Variants in ANO3 observed in about 807,000 individuals in gnomAD.
ANO3 encodes the protein anoctamin-3.
ANO3 carries 99 observed loss-of-function variants against 144.8 expected under a neutral mutation model. The ratio of observed to expected loss-of-function variants is 0.68; its 90% CI spans 0.58 to 0.81. ANO3 has a LOEUF of 0.81. Among genes scored for constraint, ANO3 ranks in the 30% least tolerant of loss-of-function variants. The pLI is 0.00. For synonymous variants in ANO3, 414 were observed against 392.6 expected (o/e 1.05, Z -0.64); for missense variants, 905 against 1,202.2 (o/e 0.75, Z 3.66).
intron 1 of ANO3, among the ~76,000 whole-genome samples, chr11:26,228,362 C>A (rs1459015291): frequency 6.6e-6 from 1 of 152,192 alleles, no homozygotes; most frequent in Non-Finnish European, 1.5e-5. Flanking sequence ...GTGCCAGGGT[C>A]CTGTCTGTGC....
chr11:26,474,860 T>C (rs1859902989), intron 4 of ANO3, among the ~76,000 whole-genome samples: 2 of 151,826 alleles, frequency 1.3e-5, no homozygotes, highest in African/African-American at 2.4e-5. Context: ...TATATAATAT[T>C]AGAAATATAA....
intron 1 of ANO3, among the ~76,000 whole-genome samples, chr11:26,203,025 T>A (rs1180884266): frequency 1.3e-5 from 2 of 152,072 alleles, no homozygotes; most frequent in Non-Finnish European, 2.9e-5. Flanking sequence ...ATTGAGCCAA[T>A]TTGTAATAGG....
rs141737619 is a variant in ANO3, at chr11:26,384,421, C to T, written c.46+52100C>T. On this transcript the variant is annotated intron_variant, in intron 1 of 26. Coordinates refer to ENST00000256737, the MANE Select transcript of ANO3 (RefSeq NM_031418.4). ...TCTGCAAGAATCATACCTATTAGCT[C>T]CGAGATGAGCTCAAAAATTGTAGGT... 7.2e-3 allele frequency among the ~76,000 whole-genome samples: 1,092 copies of T among 152,124 alleles called. 4 individuals carry two copies. The highest frequency in any genetic ancestry group is 0.014 in the Middle Eastern group (4 of 292).
chr11:26,553,853 A>C (rs1318370384), intron 13 of ANO3, among the ~76,000 whole-genome samples: 1 of 152,098 alleles, frequency 6.6e-6, no homozygotes, highest in African/African-American at 2.4e-5. Context: ...GTGTATTTCA[A>C]ATTTTCCTGG....
intron 1 of ANO3, among the ~76,000 whole-genome samples, chr11:26,321,270 T>C (rs572012202): frequency 2.6e-5 from 4 of 152,170 alleles, no homozygotes; most frequent in Middle Eastern, 3.4e-3. Context: ...CCTCATCCCC[T>C]TGATAGACTT....
chr11:26,390,082 G>T (rs1856836058), intron 1 of ANO3, among the ~76,000 whole-genome samples: 1 of 152,000 alleles, frequency 6.6e-6, no homozygotes. Context: ...GACTTAACAT[G>T]GTTCTCTCTT....
At chr11:26,563,588 T>G (rs1034819155) in intron 14 of ANO3, among the ~76,000 whole-genome samples, 3 of 151,938 alleles carry the variant, frequency 2.0e-5, no homozygotes, top group Non-Finnish European at 4.4e-5. Context: ...AAATGCCATG[T>G]GCATACTCCA....
At chr11:26,543,609 TCCCGCCA>T (rs1849701374) in intron 11 of ANO3, among the ~76,000 whole-genome samples, 1 of 151,962 alleles carries the variant, frequency 6.6e-6, no homozygotes, top group South Asian at 2.1e-4. Context: ...CCCTCCTCCC[TCCCGCCA>T]CACCACGACA....
intron 4 of ANO3, among the ~76,000 whole-genome samples, chr11:26,507,684 T>C (rs1402687676): frequency 6.6e-6 from 1 of 152,180 alleles, no homozygotes; most frequent in Non-Finnish European, 1.5e-5. Context: ...GAGTAGTATA[T>C]AGGATAAAAT....
chr11:26,516,129 C>A (rs1389036765), intron 5 of ANO3, among the ~76,000 whole-genome samples: 1 of 151,664 alleles, frequency 6.6e-6, no homozygotes, highest in Non-Finnish European at 1.5e-5. Flanking sequence ...TGCAAATAAT[C>A]CTGCAATTTC....
chr11:26,313,921 AAGAGAT>A, intron 1 of ANO3, among the ~76,000 whole-genome samples: 1 of 151,144 alleles, frequency 6.6e-6, no homozygotes, highest in Admixed American at 6.6e-5. Context: ...CTAAAAAAGA[AAGAGAT>A]AGAGACAGAA....
intron 1 of ANO3, among the ~76,000 whole-genome samples, chr11:26,365,587 T>C (rs1856046589): frequency 6.6e-6 from 1 of 152,200 alleles, no homozygotes; most frequent in Admixed American, 6.5e-5. Flanking sequence ...TCTGCATGCC[T>C]ACAGACTTAA....
At chr11:26,375,620 T>TTTAC in intron 1 of ANO3, among the ~76,000 whole-genome samples, 2 of 152,128 alleles carry the variant, frequency 1.3e-5, no homozygotes, top group Non-Finnish European at 2.9e-5. Context: ...CATGTGCTGA[T>TTTAC]AGAAAATTTA....
chr11:26,363,941 A>G (rs1355389176), intron 1 of ANO3, among the ~76,000 whole-genome samples: 3 of 152,212 alleles, frequency 2.0e-5, no homozygotes, highest in African/African-American at 7.2e-5. Context: ...TCAAAGTTCA[A>G]GTGCCTACTT....
chr11:26,404,923 A>ATT (rs1857237656), intron 1 of ANO3, among the ~76,000 whole-genome samples: 1 of 132,814 alleles, frequency 7.5e-6, no homozygotes, highest in Non-Finnish European at 1.6e-5. Flanking sequence ...TCAGCAAGGA[A>ATT]TTTATATATA....
intron 11 of ANO3, among the ~76,000 whole-genome samples, chr11:26,544,341 A>C (rs1442678460): frequency 4.1e-5 from 6 of 146,652 alleles, no homozygotes; most frequent in Non-Finnish European, 7.5e-5. Context: ...AGCCAAGGTA[A>C]TACAAATGCT....
intron 14 of ANO3, among the ~76,000 whole-genome samples, chr11:26,588,282 GTAAA>G (rs1187447897): frequency 6.6e-6 from 1 of 152,118 alleles, no homozygotes; most frequent in African/African-American, 2.4e-5. Context: ...GTAGGGATTA[GTAAA>G]TAACAATTTA....
intron 11 of ANO3, among the ~76,000 whole-genome samples, chr11:26,546,669 C>T (rs999569974): frequency 2.0e-5 from 3 of 151,944 alleles, no homozygotes; most frequent in African/African-American, 4.8e-5. Flanking sequence ...GTTATTCGAG[C>T]TGCCTTATTT....
intron 4 of ANO3, among the ~76,000 whole-genome samples, chr11:26,465,560 A>G (rs73445801): frequency 0.073 from 11,060 of 151,882 alleles, 676 homozygotes; most frequent in African/African-American, 0.16. Context: ...AGTGAGTAAT[A>G]ACAAGTATTA....
Sources: allele counts gnomAD v4.1 joint callset (sites outside exome capture counted in the v4.1 genomes callset), GRCh38; gene constraint gnomAD v4.1.1; transcripts MANE v1.5; gene names NCBI Gene and HGNC (gene_info 2026-07-23, HGNC 2026-07-21).